The following SNRPF variants were observed in gnomAD, a reference collection of about 807,000 sequenced individuals.
The protein encoded by SNRPF is small nuclear ribonucleoprotein F.
SNRPF carries 1 observed loss-of-function variant against 13.4 expected under a neutral mutation model. That is an observed-to-expected ratio of 0.07 (90% confidence interval 0.03 to 0.35). SNRPF has a LOEUF of 0.35. SNRPF is among the 10% of genes least tolerant of loss of function. The pLI, the probability that SNRPF is intolerant of heterozygous loss-of-function variation, is 0.99. For missense variants in SNRPF, 53 were observed against 101.0 expected (o/e 0.52, Z 2.04); for synonymous variants, 27 against 32.1 (o/e 0.84, Z 0.54).
At chr12:95,864,038 A>C (rs2079509550) in intron 2 of SNRPF, among the ~76,000 whole-genome samples, 1 of 152,246 alleles carries the variant, frequency 6.6e-6, no homozygotes, top group Non-Finnish European at 1.5e-5. Flanking sequence ...TTTTTACAAA[A>C]AATTAGTTGC....
intron 2 of SNRPF, among the ~76,000 whole-genome samples, chr12:95,863,112 A>T (rs2079503834): frequency 6.6e-6 from 1 of 152,136 alleles, no homozygotes; most frequent in Non-Finnish European, 1.5e-5. Flanking sequence ...TAAGCAGAGT[A>T]CTAAAAGGAG....
At chr12:95,862,112 G>A (rs1056617239) in intron 2 of SNRPF, among the ~76,000 whole-genome samples, 1 of 152,152 alleles carries the variant, frequency 6.6e-6, no homozygotes. Flanking sequence ...CATGTAAGTG[G>A]AATTGTGTAT....
At chr12:95,862,701 A>T (rs952486350) in intron 2 of SNRPF, among the ~76,000 whole-genome samples, 5 of 148,904 alleles carry the variant, frequency 3.4e-5, no homozygotes, top group East Asian at 2.0e-4. Flanking sequence ...TGACAGAGAA[A>T]TTTTTTTTTT....
At chr12:95,865,953 A>G (rs1277174144) in intron 3 of SNRPF, 52 bp from the exon 4 acceptor site, 1 of 755,108 alleles carries the variant, frequency 1.3e-6, no homozygotes, top group Non-Finnish European at 2.3e-6. Flanking sequence ...AGTAATTCAT[A>G]TCATACATGG....
intron 1 of SNRPF, among the ~76,000 whole-genome samples, chr12:95,859,511 A>G (rs1183268686): frequency 6.6e-6 from 1 of 152,220 alleles, no homozygotes; most frequent in African/African-American, 2.4e-5. Flanking sequence ...AGTGCTAAGA[A>G]CAATGCAGAC....
chr12:95,861,173 A>G lies in SNRPF; in HGVS notation c.9A>G (p.Leu3=), dbSNP rs750369965. Residue 3 remains leucine (L), a synonymous_variant, in exon 2 of 4, where the codon TTA becomes TTG. Transcript: ENST00000266735. MS[L]PLNPKPFLNG... ...CTTTTTTGTTCTTTGTGCAGAGTTT[A>G]CCCCTCAATCCCAAACCTTTCCTCA... is the stretch of plus-strand genomic sequence containing the variant. The G allele has an allele frequency of 6.2e-7, 1 of 1,610,146 alleles. No individual in the cohort carries two copies. The highest frequency in any genetic ancestry group is 1.1e-5 in the South Asian group (1 of 90,608).
intron 2 of SNRPF, among the ~76,000 whole-genome samples, chr12:95,863,238 T>A (rs913969272): frequency 6.6e-6 from 1 of 151,972 alleles, no homozygotes; most frequent in Admixed American, 6.5e-5. Flanking sequence ...TAAACAGGAG[T>A]CATTTACCAA....
chr12:95,861,235 A>C lies in SNRPF; in HGVS notation c.71A>C (p.Lys24Thr). ...LTGKPVMVKL[K>T]WGMEYKGYLV... is the part of the protein sequence containing the mutation. ...GGAAAGCCAGTGATGGTGAAACTTAAGTGGGGAATGGAGTACAAGGGCTAT... is the reference window on the plus strand; with the variant it reads ...GGAAAGCCAGTGATGGTGAAACTTACGTGGGGAATGGAGTACAAGGGCTAT... The change falls in exon 2 of 4, where the codon AAG (lysine) becomes ACG (threonine). Residue 24 changes from lysine to threonine, a missense_variant. Lys to Thr is a moderately conservative substitution (Grantham distance 78). Coordinates refer to ENST00000266735, the MANE Select transcript of SNRPF (RefSeq NM_003095.5). 6.2e-7 allele frequency: 1 copy of C among 1,612,684 alleles called. No individual in the cohort carries two copies. The highest frequency in any genetic ancestry group is 8.5e-7 in the Non-Finnish European group (1 of 1,179,138).
At chr12:95,861,874 G>T (rs1488186513) in intron 2 of SNRPF, 1 of 152,258 alleles carries the variant, frequency 6.6e-6, no homozygotes. Flanking sequence ...GTATAATTCA[G>T]TGGCATTAAG....
Position 95,866,085 on chromosome 12 carries a change from G to A in SNRPF, c.*14G>A, listed in dbSNP as rs1285531596. The A allele has an allele frequency of 7.4e-7, 1 of 1,344,222 alleles. No homozygotes were observed. Among genetic ancestry groups the A allele is most frequent in the Non-Finnish European group, 1.0e-6 (1 of 957,300 alleles). The allele number at this position is 1,344,222 out of a possible 1,614,324, so 83.3% of individuals were successfully genotyped here. On this transcript the variant is annotated 3_prime_UTR_variant, in exon 4 of 4. Transcript: ENST00000266735. ...ATGAGAGAATAGCATCTTTTGTGGG[G>A]GATTTTTTTTATATATATTTCTAGA...
At chr12:95,859,106 G>A (rs746693801) in intron 1 of SNRPF, 30 bp downstream of exon 1, 3 of 1,596,482 alleles carry the variant, frequency 1.9e-6, no homozygotes, top group Non-Finnish European at 2.6e-6. Flanking sequence ...CGGGAGAAGC[G>A]GGGAGAAAGA....
intron 2 of SNRPF, 44 bp from the exon 3 acceptor site, chr12:95,865,280 T>G (rs1438567308): frequency 1.0e-6 from 1 of 961,812 alleles, no homozygotes; most frequent in Non-Finnish European, 1.7e-6. Context: ...TTGTAATATT[T>G]TCCTCCTGTG....
chr12:95,860,811 G>T (rs552412288), intron 1 of SNRPF, among the ~76,000 whole-genome samples: 10 of 145,658 alleles, frequency 6.9e-5, no homozygotes, highest in Non-Finnish European at 1.0e-4. Context: ...TGGCCTTCCA[G>T]ATTACTGGAA....
chr12:95,861,147 C>G (rs2079493978), intron 1 of SNRPF, 21 bp from the exon 2 acceptor site: 1 of 1,591,672 alleles, frequency 6.3e-7, no homozygotes, highest in East Asian at 2.3e-5. Context: ...TTAATTAGAT[C>G]CTTTTTTGTT....
intron 1 of SNRPF, among the ~76,000 whole-genome samples, chr12:95,859,574 T>A (rs2079484523): frequency 6.6e-6 from 1 of 152,028 alleles, no homozygotes. Flanking sequence ...AGAGATGGCC[T>A]CCCTAGGAGG....
chr12:95,859,290 C>G (rs766441701), intron 1 of SNRPF, among the ~76,000 whole-genome samples: 1 of 152,144 alleles, frequency 6.6e-6, no homozygotes, highest in Non-Finnish European at 1.5e-5. Context: ...GCCTTCTTCT[C>G]TTTGTTTGAA....
intron 2 of SNRPF, chr12:95,861,723 A>C (rs1379629741): frequency 6.2e-6 from 1 of 161,578 alleles, no homozygotes; most frequent in Non-Finnish European, 1.3e-5. Context: ...CTGCCAAAGG[A>C]ATTGAACTGA....
At chr12:95,865,502 A>G in intron 3 of SNRPF, 114 bp downstream of exon 3, 2 of 507,766 alleles carry the variant, frequency 3.9e-6, no homozygotes, top group Non-Finnish European at 7.1e-6. Flanking sequence ...AATCACTATT[A>G]TAATACTTTA....
chr12:95,861,019 A>G, intron 1 of SNRPF, 149 bp from the exon 2 acceptor site: 2 of 620,090 alleles, frequency 3.2e-6, no homozygotes, highest in Admixed American at 3.5e-5. Context: ...GGTACTCTCA[A>G]CAAATAAAAG....
Sources: gnomAD v4.1 joint callset for allele counts (sites outside exome capture counted in the v4.1 genomes callset) on GRCh38, gnomAD v4.1.1 for gene constraint, MANE v1.5 for transcripts, NCBI Gene and HGNC (gene_info 2026-07-23, HGNC 2026-07-21) for gene names.